Variants in FSTL4 observed in about 807,000 individuals in gnomAD.
FSTL4 encodes the protein follistatin-related protein 4.
Under a neutral mutation model 78.2 loss-of-function variants are expected in FSTL4, and 28 were observed. The ratio of observed to expected loss-of-function variants is 0.36; its 90% CI spans 0.27 to 0.49. The LOEUF is 0.49. Ranked by LOEUF, FSTL4 falls within the 20% of genes least tolerant of loss-of-function variation. The pLI is 0.98. For synonymous variants in FSTL4, 422 were observed against 440.5 expected (o/e 0.96, Z 0.53); for missense variants, 922 against 1,084.9 (o/e 0.85, Z 2.11).
intron 3 of FSTL4, among the ~76,000 whole-genome samples, chr5:133,477,654 G>A (rs1400087584): frequency 1.3e-5 from 2 of 152,180 alleles, no homozygotes; most frequent in South Asian, 2.1e-4. Context: ...GACACGGGGG[G>A]AAAATGACCC....
At chr5:133,649,430 T>C in the FSTL4 span, among the ~76,000 whole-genome samples, 1 of 152,354 alleles carries the variant, frequency 6.6e-6, no homozygotes, top group Middle Eastern at 3.4e-3. Flanking sequence ...AAGATATGTT[T>C]AGTTTTGTAA....
At chr5:133,483,588 T>G (rs1051998632) in intron 3 of FSTL4, among the ~76,000 whole-genome samples, 2 of 152,202 alleles carry the variant, frequency 1.3e-5, no homozygotes, top group African/African-American at 4.8e-5. Context: ...GGCTTCAGAG[T>G]TGCCTCATTA....
chr5:133,493,377 C>G (rs776219883), intron 3 of FSTL4, among the ~76,000 whole-genome samples: 5 of 152,090 alleles, frequency 3.3e-5, no homozygotes, highest in Non-Finnish European at 5.9e-5. Context: ...GATCTGGGAC[C>G]TATCTTTAAG....
At chr5:133,318,262 T>C (rs1462272230) in intron 4 of FSTL4, among the ~76,000 whole-genome samples, 3 of 152,202 alleles carry the variant, frequency 2.0e-5, no homozygotes, top group South Asian at 2.1e-4. Context: ...TATTGATTCC[T>C]GGGGGTTCTT....
At chr5:133,392,806 G>A (rs1755882699) in intron 4 of FSTL4, among the ~76,000 whole-genome samples, 1 of 152,184 alleles carries the variant, frequency 6.6e-6, no homozygotes, top group Non-Finnish European at 1.5e-5. Context: ...GAAACAATGT[G>A]GGGGACTCGG....
In FSTL4 at chr5:133,583,346, G is replaced by A. The variant is rs527771048; in HGVS notation, c.127-16127C>T. On this transcript the variant is annotated intron_variant, in intron 2 of 15. Coordinates refer to ENST00000265342, the MANE Select transcript of FSTL4 (RefSeq NM_015082.2). ...CCGGTCTACAGCTCCCAGCGTGAGC[G>A]ACGCAGAAGACGGGTGATTTCTGCA... The A allele has an allele frequency of 4.8e-4, 129 of 270,306 alleles. 10 individuals are homozygous for A. Among genetic ancestry groups the A allele is most frequent in the African/African-American group, 2.6e-3 (92 of 35,662 alleles). The allele number at this position is 270,306 out of a possible 1,614,324, so 16.7% of individuals were successfully genotyped here.
chr5:133,668,890 C>T, the FSTL4 span, among the ~76,000 whole-genome samples: 196 of 152,246 alleles, frequency 1.3e-3, no homozygotes, highest in African/African-American at 4.3e-3. Context: ...TGAAATATGT[C>T]ATAAGCAGAA....
At chr5:133,784,463 A>G in the FSTL4 span, among the ~76,000 whole-genome samples, 2 of 152,334 alleles carry the variant, frequency 1.3e-5, no homozygotes, top group African/African-American at 4.8e-5. Flanking sequence ...TACTGGTCAG[A>G]GAATTCATGT....
At chr5:133,322,534 G>C (rs1444211176) in intron 4 of FSTL4, among the ~76,000 whole-genome samples, 1 of 152,198 alleles carries the variant, frequency 6.6e-6, no homozygotes, top group Admixed American at 6.5e-5. Flanking sequence ...AGCCAACAAA[G>C]GGTTCACTCA....
At chr5:133,240,208 A>G (rs1366150689) in intron 7 of FSTL4, among the ~76,000 whole-genome samples, 2 of 152,298 alleles carry the variant, frequency 1.3e-5, no homozygotes, top group East Asian at 3.9e-4. Context: ...AACTCTGGAC[A>G]CGCTGCCTTT....
At chr5:133,837,604 A>T in the FSTL4 span, among the ~76,000 whole-genome samples, 15 of 152,328 alleles carry the variant, frequency 9.8e-5, no homozygotes, top group African/African-American at 3.6e-4. Context: ...AGCTGATTTA[A>T]TGATGGCCTT....
chr5:133,466,445 G>C (rs1757709807), intron 3 of FSTL4, among the ~76,000 whole-genome samples: 1 of 152,154 alleles, frequency 6.6e-6, no homozygotes. Flanking sequence ...GGGAGGCTGA[G>C]GCAGGAGAAT....
Position 133,232,047 on chromosome 5 carries a change from G to A in FSTL4, c.1015+1370C>T, listed in dbSNP as rs192502756. ...TGTTTTTGGGAATGAATCGCTACTT[G>A]TCTGAACTGTGGGGAGGTCAAGGGT... On this transcript the variant is annotated intron_variant, in intron 8 of 15. Coordinates refer to ENST00000265342, the MANE Select transcript of FSTL4 (RefSeq NM_015082.2). Among the ~76,000 whole-genome samples the A allele has an allele frequency of 1.6e-3, 239 of 152,336 alleles. 2 individuals carry two copies. Among genetic ancestry groups the A allele is most frequent in the African/African-American group, 4.1e-3 (172 of 41,582 alleles).
intron 4 of FSTL4, among the ~76,000 whole-genome samples, chr5:133,322,092 A>G (rs1754072755): frequency 6.6e-6 from 1 of 152,076 alleles, no homozygotes; most frequent in Admixed American, 6.6e-5. Flanking sequence ...AATTTCAGGG[A>G]AGCCCCCTCC....
the FSTL4 span, among the ~76,000 whole-genome samples, chr5:133,805,772 C>T: frequency 6.6e-6 from 1 of 152,196 alleles, no homozygotes; most frequent in Non-Finnish European, 1.5e-5. Context: ...TACTGGAGCA[C>T]CATTTTGAGT....
At chr5:133,475,102 G>T (rs1201435269) in intron 3 of FSTL4, among the ~76,000 whole-genome samples, 1 of 152,194 alleles carries the variant, frequency 6.6e-6, no homozygotes, top group East Asian at 1.9e-4. Flanking sequence ...GCCCGGGCAG[G>T]CATTTAAGTA....
chr5:133,313,757 C>T (rs531842160), intron 5 of FSTL4, among the ~76,000 whole-genome samples: 28 of 152,086 alleles, frequency 1.8e-4, no homozygotes, highest in South Asian at 2.1e-4. Context: ...TAAGAGTGTT[C>T]GATAAAAGGG....
At chr5:133,814,511 G>T in the FSTL4 span, among the ~76,000 whole-genome samples, 5 of 152,122 alleles carry the variant, frequency 3.3e-5, no homozygotes. Flanking sequence ...AGATGATGGA[G>T]AAAAACACAA....
chr5:133,662,541 T>TAA, the FSTL4 span, among the ~76,000 whole-genome samples: 2 of 152,022 alleles, frequency 1.3e-5, no homozygotes, highest in African/African-American at 2.4e-5. Flanking sequence ...AATGTTTTCC[T>TAA]AAAAAAAATC....
Sources: gnomAD v4.1 joint callset for allele counts (sites outside exome capture counted in the v4.1 genomes callset) on GRCh38, gnomAD v4.1.1 for gene constraint, MANE v1.5 for transcripts, NCBI Gene and HGNC (gene_info 2026-07-23, HGNC 2026-07-21) for gene names.